The following BEAN1 variants were observed in gnomAD, a reference collection of about 807,000 sequenced individuals.
BEAN1 encodes the protein brain expressed associated with NEDD4 1.
BEAN1 carries 17 observed loss-of-function variants against 17.7 expected under a neutral mutation model. That is an observed-to-expected ratio of 0.96 (90% CI 0.66 to 1.44). The LOEUF is 1.44. Among genes scored for constraint, BEAN1 ranks in the 40% most tolerant of loss-of-function variants. The pLI, the probability that BEAN1 is intolerant of heterozygous loss-of-function variation, is 0.00. For synonymous variants in BEAN1, 142 were observed against 151.8 expected (o/e 0.94, Z 0.47); for missense variants, 359 against 374.1 (o/e 0.96, Z 0.33).
chr16:66,451,846 C>T (rs547133768), intron 2 of BEAN1, among the ~76,000 whole-genome samples: 1 of 152,288 alleles, frequency 6.6e-6, no homozygotes, highest in Admixed American at 6.5e-5. Context: ...AGGTCAGCTC[C>T]AGCAAAGGAA....
intron 2 of BEAN1, among the ~76,000 whole-genome samples, chr16:66,461,007 A>T (rs368968866): frequency 1.3e-5 from 2 of 152,106 alleles, no homozygotes; most frequent in South Asian, 4.1e-4. Context: ...TGCTCAGGAG[A>T]TGGTAATTAC....
rs1963481792 is a variant in BEAN1, at chr16:66,471,481, C to T, written c.289+1616C>T. Among the ~76,000 whole-genome samples the T allele has an allele frequency of 6.6e-6, 1 of 152,238 alleles. No individual in the cohort carries two copies. ...GGGGAGACGCCCCTGGGAGCCGCCC[C>T]GTGGGCTCAAGGCAGTGTCCGGCAG... On this transcript the variant is annotated intron_variant, in intron 3 of 4. Coordinates refer to ENST00000536005, the MANE Select transcript of BEAN1 (RefSeq NM_001178020.3). The surrounding 1 kb of genome is among the most constrained non-coding windows in gnomAD (Gnocchi z 4.7).
intron 4 of BEAN1, among the ~76,000 whole-genome samples, chr16:66,490,462 T>TAAAATAAAATAAAATAAA (rs1964161199): frequency 2.6e-5 from 3 of 117,462 alleles, no homozygotes; most frequent in Non-Finnish European, 3.4e-5. Context: ...AATAATAAAA[T>TAAAATAAAATAAAATAAA]AAAAAGAAAC....
chr16:66,448,271 A>G lies in BEAN1; in HGVS notation c.25+10570A>G, dbSNP rs79007613. Among the ~76,000 whole-genome samples, 397 of 152,310 alleles carry G rather than the reference A, an allele frequency of 2.6e-3. 9 individuals carry two copies. The East Asian group carries it at 0.055, about 21-fold the overall frequency. ...TAGAAATACCAGCTCACAAGAGCCA[A>G]TAGCTAAATAAGCAGGAGTTTCATG... On this transcript the variant is annotated intron_variant, in intron 2 of 4. Transcript: ENST00000536005.
chr16:66,471,107 T>C lies in BEAN1; in HGVS notation c.289+1242T>C, dbSNP rs1293077657. 6.6e-6 allele frequency among the ~76,000 whole-genome samples: 1 copy of C among 152,138 alleles called. No homozygotes were observed. The highest frequency in any genetic ancestry group is 1.5e-5 in the Non-Finnish European group (1 of 68,006). On this transcript the variant is annotated intron_variant, in intron 3 of 4. Transcript: ENST00000536005. This position sits in a 1 kb window ranked among gnomAD's most constrained non-coding sequence, Gnocchi z 4.7. ...AGAAAGATAGGAAAAATTTTTAAAA[T>C]AGATTGAATTGGATCCGATCAGCCC...
At chr16:66,490,908 C>T (rs1356730921) in intron 4 of BEAN1, among the ~76,000 whole-genome samples, 1 of 152,220 alleles carries the variant, frequency 6.6e-6, no homozygotes. Flanking sequence ...CTTGCTAGCA[C>T]AACTTCCTCC....
Position 66,471,936 on chromosome 16 carries a change from G to T in BEAN1, c.289+2071G>T, listed in dbSNP as rs948413794. On this transcript the variant is annotated intron_variant, in intron 3 of 4. Transcript: ENST00000536005. The surrounding 1 kb of genome is among the most constrained non-coding windows in gnomAD (Gnocchi z 4.7). The stretch of plus-strand genomic sequence containing the variant: ...GAGAAACCCAGGTCCCCAAGCCCTG[G>T]AGGATGCCGGGTAGACCCAGGATGG... Among the ~76,000 whole-genome samples, 1 of 152,172 alleles carries T rather than the reference G, an allele frequency of 6.6e-6. No homozygotes were observed. Among genetic ancestry groups the T allele is most frequent in the Admixed American group, 6.5e-5 (1 of 15,284 alleles).
chr16:66,479,574 G>A (rs888305871), intron 4 of BEAN1, among the ~76,000 whole-genome samples: 6 of 151,958 alleles, frequency 3.9e-5, no homozygotes, highest in South Asian at 2.1e-4. Context: ...ATGCACACAC[G>A]AACACATACA....
chr16:66,475,401 G>T (rs1458152195), intron 3 of BEAN1, among the ~76,000 whole-genome samples: 1 of 152,164 alleles, frequency 6.6e-6, no homozygotes. Flanking sequence ...AGCCCTCAGC[G>T]CTGCCCACCC....
chr16:66,482,644 C>T lies in BEAN1; in HGVS notation c.*1719C>T. The T allele has an allele frequency of 2.8e-6, 1 of 359,870 alleles. No homozygotes were observed. The highest frequency in any genetic ancestry group is 5.4e-6 in the Non-Finnish European group (1 of 185,140). The allele number at this position is 359,870 out of a possible 1,614,324, so 22.3% of individuals were successfully genotyped here. A position where few individuals can be genotyped will look rare whatever the true frequency, so the allele number is the denominator to read the frequency against. On this transcript the variant is annotated 3_prime_UTR_variant, in exon 5 of 5. Transcript: ENST00000536005. Reference sequence around the variant, plus strand: ...CTCTTTTAAGAAACACATCCTGCTTCTGCAATTCCAGAGAGTGCTGGGGGA... The same window carrying T: ...CTCTTTTAAGAAACACATCCTGCTTTTGCAATTCCAGAGAGTGCTGGGGGA...
chr16:66,470,185 T>TGGATGGATGGATGGAC, intron 3 of BEAN1: 1 of 431,070 alleles, frequency 2.3e-6, no homozygotes, highest in Non-Finnish European at 4.2e-6. Flanking sequence ...GATGGATGGA[T>TGGATGGATGGATGGAC]GGATGGATGG....
At chr16:66,468,393 G>A (rs936770781) in intron 2 of BEAN1, among the ~76,000 whole-genome samples, 3 of 152,228 alleles carry the variant, frequency 2.0e-5, no homozygotes, top group African/African-American at 7.2e-5. Flanking sequence ...CAGAGCCTAC[G>A]AAAGATCTGA....
chr16:66,439,050 C>T (rs554311474), intron 2 of BEAN1, among the ~76,000 whole-genome samples: 1 of 152,116 alleles, frequency 6.6e-6, no homozygotes, highest in Non-Finnish European at 1.5e-5. Context: ...AAAGTCGAAG[C>T]CTTATTGTTA....
Position 66,477,575 on chromosome 16 carries a change from C to T in BEAN1, c.305C>T (p.Thr102Ile). ...TTCCCTGCAGTGTCGGACGAGCACA[C>T]ATACAGCCGCTCAAGCCGCAGGATG... Reference protein sequence around the residue: ...YEHGYVSDEHTYSRSSRRMRY... With the variant: ...YEHGYVSDEHIYSRSSRRMRY... The change falls in exon 4 of 5, where the codon ACA (threonine) becomes ATA (isoleucine). Residue 102 changes from threonine to isoleucine, a missense_variant. Transcript: ENST00000536005. 1 of 1,546,772 alleles carries T rather than the reference C, an allele frequency of 6.5e-7. No individual in the cohort carries two copies. The highest frequency in any genetic ancestry group is 1.2e-5 in the South Asian group (1 of 83,558).
chr16:66,449,503 A>C (rs1596999552), intron 2 of BEAN1, among the ~76,000 whole-genome samples: 1 of 148,060 alleles, frequency 6.8e-6, no homozygotes, highest in South Asian at 2.2e-4. Flanking sequence ...GCTACTCAGG[A>C]GGCTGAGGCA....
chr16:66,431,770 C>A (rs141926922), intron 1 of BEAN1, among the ~76,000 whole-genome samples: 2 of 150,946 alleles, frequency 1.3e-5, no homozygotes, highest in African/African-American at 4.9e-5. Context: ...AGAAAGTCAT[C>A]TTTAGACTGG....
intron 1 of BEAN1, among the ~76,000 whole-genome samples, chr16:66,432,348 TC>T (rs773923568): frequency 5.3e-5 from 8 of 152,184 alleles, no homozygotes; most frequent in Non-Finnish European, 1.2e-4. Context: ...ATGAAGACCT[TC>T]CTGGGACAGG....
chr16:66,441,542 C>T (rs969808563), intron 2 of BEAN1, among the ~76,000 whole-genome samples: 2 of 152,180 alleles, frequency 1.3e-5, no homozygotes, highest in Non-Finnish European at 2.9e-5. Flanking sequence ...AGAGTAGGAG[C>T]CCCACCCTGT....
chr16:66,482,702 A>C lies in BEAN1; in HGVS notation c.*1777A>C. ...GGATAAAAATTCCTACCTACTCATC[A>C]GTGTTTGAAAGATGGAGCTGAATAG... is the stretch of plus-strand genomic sequence containing the variant. On this transcript the variant is annotated 3_prime_UTR_variant, in exon 5 of 5. Transcript: ENST00000536005. The C allele has an allele frequency of 2.7e-6, 1 of 366,290 alleles. No homozygotes were observed. Among genetic ancestry groups the C allele is most frequent in the South Asian group, 2.1e-5 (1 of 47,658 alleles). The allele number at this position is 366,290 out of a possible 1,614,324, so 22.7% of individuals were successfully genotyped here.
Sources: allele counts gnomAD v4.1 joint callset (sites outside exome capture counted in the v4.1 genomes callset), GRCh38; gene constraint gnomAD v4.1.1; non-coding constraint Gnocchi (gnomAD v3.1); transcripts MANE v1.5; gene names NCBI Gene and HGNC (gene_info 2026-07-23, HGNC 2026-07-21).